Variants in ZNF487 observed in about 807,000 individuals in gnomAD.
ZNF487 encodes the protein KRAB domain only 1.
In ZNF487, 4 loss-of-function variants were observed where a neutral mutation model predicts 3.0. The observed-to-expected ratio is 1.35, with a 90% CI of 0.66 to 3.08. The LOEUF is 3.08. Among genes scored for constraint, ZNF487 ranks in the 30% most tolerant of loss-of-function variants. The probability of loss-of-function intolerance (pLI) is 0.01; values close to 1 mark genes in which losing one functional copy is unlikely to be tolerated. For missense variants in ZNF487, 146 were observed against 98.7 expected (o/e 1.48, Z -2.03); for synonymous variants, 55 against 34.6 (o/e 1.59, Z -2.06).
chr10:43,447,417 T>G (rs1217015955), intron 1 of ZNF487, among the ~76,000 whole-genome samples: 2 of 152,034 alleles, frequency 1.3e-5, no homozygotes, highest in Non-Finnish European at 2.9e-5. Context: ...AATTTCTGTA[T>G]TTTTAGTAAA....
At chr10:43,522,008 A>G in the ZNF487 span, among the ~76,000 whole-genome samples, 6 of 152,202 alleles carry the variant, frequency 3.9e-5, no homozygotes, top group South Asian at 2.1e-4. Context: ...CAGGTTCATT[A>G]ATGACAACTG....
the ZNF487 span, among the ~76,000 whole-genome samples, chr10:43,497,695 C>T: frequency 2.0e-5 from 3 of 151,910 alleles, no homozygotes; most frequent in African/African-American, 4.8e-5. Flanking sequence ...AGGCTGGGCG[C>T]GGTGGCTCAC....
At chr10:43,523,382 C>T in the ZNF487 span, 1 of 152,122 alleles carries the variant, frequency 6.6e-6, no homozygotes, top group Non-Finnish European at 1.5e-5. Flanking sequence ...AAATTCAAAC[C>T]TTGTTCCAAT....
At chr10:43,492,750 T>A in the ZNF487 span, among the ~76,000 whole-genome samples, 4 of 152,162 alleles carry the variant, frequency 2.6e-5, no homozygotes, top group Non-Finnish European at 4.4e-5. Flanking sequence ...AAATTTAATG[T>A]GTATTTTTGA....
chr10:43,480,630 G>T (rs1408224656), intron 3 of ZNF487, among the ~76,000 whole-genome samples: 2 of 151,734 alleles, frequency 1.3e-5, no homozygotes, highest in Non-Finnish European at 2.9e-5. Flanking sequence ...TGGCCAGGCT[G>T]GTCTGGAACG....
chr10:43,493,709 A>AATATATATATATATATAT, the ZNF487 span, among the ~76,000 whole-genome samples: 1 of 43,708 alleles, frequency 2.3e-5, no homozygotes, highest in African/African-American at 8.7e-5. Flanking sequence ...AAAAAAAAAA[A>AATATATATATATATATAT]ATATATATAT....
chr10:43,491,495 T>G, the ZNF487 span, among the ~76,000 whole-genome samples: 1 of 151,590 alleles, frequency 6.6e-6, no homozygotes, highest in South Asian at 2.1e-4. Flanking sequence ...TCAGCTTCAT[T>G]ACGGGCTTCC....
downstream of ZNF487, among the ~76,000 whole-genome samples, chr10:43,483,604 T>C (rs1309320744): frequency 2.6e-5 from 4 of 151,882 alleles, no homozygotes; most frequent in Non-Finnish European, 5.9e-5. Flanking sequence ...CTCAGTTCAC[T>C]GCAACCTCCT....
intron 3 of ZNF487, 36 bp from the exon 4 acceptor site, chr10:43,481,393 C>T (rs927458482): frequency 3.1e-6 from 2 of 654,442 alleles, no homozygotes; most frequent in Admixed American, 2.8e-5. Context: ...AATATGTTAA[C>T]ATTTATAATC....
intron 1 of ZNF487, among the ~76,000 whole-genome samples, chr10:43,463,287 C>T (rs958831885): frequency 6.6e-6 from 1 of 151,958 alleles, no homozygotes; most frequent in Non-Finnish European, 1.5e-5. Context: ...CCTGTAATCC[C>T]AGCACTTTGG....
the ZNF487 span, among the ~76,000 whole-genome samples, chr10:43,509,409 G>A: frequency 6.7e-6 from 1 of 149,344 alleles, no homozygotes; most frequent in African/African-American, 2.5e-5. Flanking sequence ...TTTTGCTATT[G>A]TAGATTTGGC....
the ZNF487 span, among the ~76,000 whole-genome samples, chr10:43,515,926 A>C: frequency 6.6e-6 from 1 of 152,092 alleles, no homozygotes; most frequent in African/African-American, 2.4e-5. Flanking sequence ...AGGGCGCACC[A>C]CCACACCCAT....
the ZNF487 span, among the ~76,000 whole-genome samples, chr10:43,500,231 A>T: frequency 6.6e-6 from 1 of 151,868 alleles, no homozygotes; most frequent in East Asian, 1.9e-4. Context: ...GCTGGTCTTG[A>T]ACTCCTGAGC....
At position 43,444,833 on chromosome 10, in the gene ZNF487, G is replaced by T. The variant is rs533059767; in HGVS notation, c.-94+7571G>T. On this transcript the variant is annotated intron_variant, in intron 1 of 3. Coordinates refer to ENST00000437590, the MANE Select transcript of ZNF487 (RefSeq NM_001355444.3). ...TCCTCCTGCCTCGGCCTCCCAGGCA[G>T]TGCTGGGATTACAGGTGTGAGCCAC... Among the ~76,000 whole-genome samples the T allele has an allele frequency of 1.4e-3, 208 of 152,268 alleles. 1 individual carries two copies. The highest frequency in any genetic ancestry group is 3.4e-3 in the Middle Eastern group (1 of 294).
chr10:43,443,473 A>C (rs1308619815), intron 1 of ZNF487, among the ~76,000 whole-genome samples: 2 of 150,564 alleles, frequency 1.3e-5, no homozygotes, highest in Non-Finnish European at 1.5e-5. Context: ...TACCGGGTTC[A>C]AGAGATTCTC....
In ZNF487 at chr10:43,449,074, A is replaced by C. The variant is rs565138102; in HGVS notation, c.-94+11812A>C. ...AGCACTTTGGGAGGGTGAGCCAGGC[A>C]GATTGCCTGAGCTCAGGAGTTTGAG... On this transcript the variant is annotated intron_variant, in intron 1 of 3. Coordinates refer to ENST00000437590, the MANE Select transcript of ZNF487 (RefSeq NM_001355444.3). 6.0e-3 allele frequency among the ~76,000 whole-genome samples: 908 copies of C among 150,914 alleles called. 9 individuals carry two copies. Among genetic ancestry groups the C allele is most frequent in the African/African-American group, 0.017 (718 of 41,154 alleles).
At chr10:43,485,402 A>G (rs982714719), downstream of ZNF487, among the ~76,000 whole-genome samples, 1 of 152,230 alleles carries the variant, frequency 6.6e-6, no homozygotes, top group East Asian at 1.9e-4. Flanking sequence ...CATCTGTCAC[A>G]TGATTTACAT....
rs79950535 is a variant in ZNF487 at position 43,476,898 on chromosome 10, T to C, written c.130+696T>C. 7.9e-3 allele frequency among the ~76,000 whole-genome samples: 1,206 copies of C among 152,226 alleles called. 16 individuals are homozygous for C. Among genetic ancestry groups the C allele is most frequent in the African/African-American group, 0.028 (1,150 of 41,532 alleles). Reference sequence around the variant, plus strand: ...GCCAAAACAGAATTTGCTGCTAAATTGGATTATGGGTATAAGAAAAAGATA... The same window carrying C: ...GCCAAAACAGAATTTGCTGCTAAATCGGATTATGGGTATAAGAAAAAGATA... On this transcript the variant is annotated intron_variant, in intron 3 of 3. Transcript: ENST00000437590.
the ZNF487 span, among the ~76,000 whole-genome samples, chr10:43,519,994 T>C: frequency 6.6e-6 from 1 of 152,200 alleles, no homozygotes; most frequent in African/African-American, 2.4e-5. Flanking sequence ...AGCAGTACCT[T>C]GCATATATAA....
Sources: gnomAD v4.1 joint callset for allele counts (sites outside exome capture counted in the v4.1 genomes callset) on GRCh38, gnomAD v4.1.1 for gene constraint, MANE v1.5 for transcripts, NCBI Gene and HGNC (gene_info 2026-07-23, HGNC 2026-07-21) for gene names.